COL24A1: variants seen among roughly 807,000 people sequenced by gnomAD.
COL24A1 encodes collagen type XXIV alpha 1 chain, also known as collagen alpha-1(XXIV) chain.
A neutral mutation model predicts 253.9 loss-of-function variants in COL24A1; 224 were observed. The ratio of observed to expected loss-of-function variants is 0.88; its 90% confidence interval spans 0.79 to 0.99. The LOEUF (loss-of-function observed/expected upper bound fraction) is 0.99. COL24A1 is among the 50% of genes least tolerant of loss of function. The pLI is 0.00. For missense variants in COL24A1, 2,131 were observed against 2,068.5 expected (o/e 1.03, Z -0.59); for synonymous variants, 685 against 673.7 (o/e 1.02, Z -0.26).
intron 24 of COL24A1, among the ~76,000 whole-genome samples, chr1:85,928,394 A>G (rs1291370939): frequency 2.1e-5 from 1 of 48,700 alleles, no homozygotes; most frequent in African/African-American, 8.8e-5. Flanking sequence ...AAAGAATAAA[A>G]AGAAATGAGC....
chr1:86,124,321 T>G (rs1647890411), intron 3 of COL24A1, among the ~76,000 whole-genome samples: 1 of 151,980 alleles, frequency 6.6e-6, no homozygotes, highest in East Asian at 1.9e-4. Flanking sequence ...ACCATATCAC[T>G]AAAGACAGTC....
upstream of COL24A1, chr1:86,156,916 C>T (rs149150426): frequency 0.022 from 3,301 of 152,432 alleles, 56 homozygotes; most frequent in Non-Finnish European, 0.034. Context: ...CAAGTCGGTG[C>T]GAGGGGGCCG....
chr1:85,879,990 T>C (rs1252132776), intron 32 of COL24A1, among the ~76,000 whole-genome samples: 3 of 152,208 alleles, frequency 2.0e-5, no homozygotes, highest in Non-Finnish European at 4.4e-5. Context: ...TTCTTCAATA[T>C]TGTATTGGCT....
chr1:86,036,985 T>C (rs1468809859), intron 12 of COL24A1, among the ~76,000 whole-genome samples: 3 of 152,160 alleles, frequency 2.0e-5, no homozygotes, highest in Non-Finnish European at 2.9e-5. Context: ...CTTGTTCAAT[T>C]TGCCAGTTTC....
At chr1:85,772,964 T>C (rs1668135962) in intron 53 of COL24A1, among the ~76,000 whole-genome samples, 1 of 152,232 alleles carries the variant, frequency 6.6e-6, no homozygotes, top group Non-Finnish European at 1.5e-5. Context: ...TCCTGAATGG[T>C]ATTGCCCAGG....
chr1:85,779,385 AT>A (rs377325728), intron 52 of COL24A1, among the ~76,000 whole-genome samples: 211 of 149,468 alleles, frequency 1.4e-3, no homozygotes, highest in South Asian at 4.0e-3. Context: ...ACTTTATGTC[AT>A]TTTTTTTTTC....
chr1:85,848,888 T>G (rs1177788757), intron 38 of COL24A1, among the ~76,000 whole-genome samples: 1 of 152,196 alleles, frequency 6.6e-6, no homozygotes, highest in Admixed American at 6.5e-5. Flanking sequence ...TAGTAAAATA[T>G]AAAGTAAGCA....
intron 24 of COL24A1, among the ~76,000 whole-genome samples, chr1:85,944,393 C>T (rs187659661): frequency 6.6e-6 from 1 of 152,072 alleles, no homozygotes; most frequent in African/African-American, 2.4e-5. Context: ...ATTAAAGTAG[C>T]CTAGGAAGTG....
At chr1:85,877,498 GA>G (rs1681318871) in intron 32 of COL24A1, among the ~76,000 whole-genome samples, 3 of 151,250 alleles carry the variant, frequency 2.0e-5, no homozygotes, top group Non-Finnish European at 4.4e-5. Flanking sequence ...AAGTAGCTGG[GA>G]TTACAGGCAA....
At chr1:86,062,127 T>A (rs925451757) in intron 8 of COL24A1, among the ~76,000 whole-genome samples, 1 of 152,072 alleles carries the variant, frequency 6.6e-6, no homozygotes, top group African/African-American at 2.4e-5. Context: ...TAAAACTGAA[T>A]AATTATACTA....
intron 17 of COL24A1, 112 bp from the exon 18 acceptor site, chr1:86,022,405 A>T: frequency 7.3e-7 from 1 of 1,369,948 alleles, no homozygotes. Flanking sequence ...ATTGAGACAA[A>T]AGTTTCAAAC....
chr1:85,912,523 C>T (rs11161709), intron 24 of COL24A1, among the ~76,000 whole-genome samples: 103,153 of 152,006 alleles, frequency 0.68, 35,263 homozygotes, highest in East Asian at 0.79. Context: ...ACAGAAAGCA[C>T]TGACTCATGA....
intron 7 of COL24A1, among the ~76,000 whole-genome samples, chr1:86,083,001 T>TA (rs1702765321): frequency 6.6e-6 from 1 of 151,944 alleles, no homozygotes; most frequent in South Asian, 2.1e-4. Flanking sequence ...GTCTGAATTT[T>TA]AAAGACAGTA....
chr1:86,020,842 T>C (rs1025081518), intron 18 of COL24A1, among the ~76,000 whole-genome samples: 2 of 152,200 alleles, frequency 1.3e-5, no homozygotes, highest in Non-Finnish European at 2.9e-5. Context: ...CCTAGTCTCA[T>C]GATCCAATTT....
At chr1:85,746,840 T>A (rs960740162) in intron 55 of COL24A1, among the ~76,000 whole-genome samples, 2 of 152,192 alleles carry the variant, frequency 1.3e-5, no homozygotes, top group East Asian at 3.9e-4. Context: ...ATTATGACCA[T>A]CCTGCTTGCG....
At chr1:85,772,742 T>A (rs1429521658) in intron 53 of COL24A1, among the ~76,000 whole-genome samples, 5 of 152,190 alleles carry the variant, frequency 3.3e-5, no homozygotes, top group African/African-American at 1.2e-4. Context: ...TAAATTTGTT[T>A]AAGTTCTTTG....
chr1:86,035,155 A>G (rs981279552), intron 12 of COL24A1, among the ~76,000 whole-genome samples: 1 of 152,168 alleles, frequency 6.6e-6, no homozygotes, highest in African/African-American at 2.4e-5. Flanking sequence ...TTATTCTGTA[A>G]TCAAAGGATA....
intron 20 of COL24A1, among the ~76,000 whole-genome samples, chr1:85,979,965 G>A (rs886640868): frequency 5.3e-5 from 8 of 152,038 alleles, no homozygotes; most frequent in Non-Finnish European, 1.2e-4. Flanking sequence ...AAATCTAACA[G>A]CTTATCAAAA....
rs1395499211 is a variant in COL24A1 at position 85,818,048 on chromosome 1, TC to T, written c.3828del (p.Lys1277AsnfsTer61). ...CTGTTACTTACAGGAATCCCAGGTT[TC>T]CCAGAAGGACCAGGAGCTCCTTTTT... ...KGKKGAPGPS[G>X]KPGIPGLQGL... On this transcript the variant is annotated frameshift_variant, in exon 46 of 60. Transcript: ENST00000370571. LOFTEE classifies it high-confidence loss of function. 2 of 1,613,696 alleles carry T rather than the reference TC, an allele frequency of 1.2e-6. No homozygotes were observed.
Sources: gnomAD v4.1 joint callset for allele counts (sites outside exome capture counted in the v4.1 genomes callset) on GRCh38, gnomAD v4.1.1 for gene constraint, MANE v1.5 for transcripts, NCBI Gene and HGNC (gene_info 2026-07-23, HGNC 2026-07-21) for gene names.